Variants in NPLOC4 observed in about 807,000 individuals in gnomAD.
The protein encoded by NPLOC4 is nuclear protein localization protein 4 homolog.
NPLOC4 carries 18 observed loss-of-function variants against 80.6 expected under a neutral mutation model. The observed-to-expected ratio is 0.22, with a 90% confidence interval of 0.15 to 0.33. The LOEUF (loss-of-function observed/expected upper bound fraction) is 0.33, where lower values mean the gene tolerates loss of function less well. Among genes scored for constraint, NPLOC4 ranks in the 10% least tolerant of loss-of-function variants. The probability of loss-of-function intolerance (pLI) is 1.00; values close to 1 mark genes in which losing one functional copy is unlikely to be tolerated. For missense variants in NPLOC4, 540 were observed against 786.1 expected (o/e 0.69, Z 3.74); for synonymous variants, 313 against 301.5 (o/e 1.04, Z -0.39).
chr17:81,560,047 C>G (rs777431842), intron 16 of NPLOC4, among the ~76,000 whole-genome samples: 15 of 151,726 alleles, frequency 9.9e-5, no homozygotes, highest in Non-Finnish European at 2.1e-4. Flanking sequence ...CAGTTTTGAG[C>G]TAATATGAAC....
rs753710722 is a variant in NPLOC4, at chr17:81,608,864, C to T, written c.436-42G>A. On this transcript the variant is annotated intron_variant, in intron 5 of 16. Coordinates refer to ENST00000331134, the MANE Select transcript of NPLOC4 (RefSeq NM_017921.4). ...TAAGCGAGTGCAGTCTCACACGTGC[C>T]GGTCACTCCAGGCGCTGAGCCTCTG... is the stretch of plus-strand genomic sequence containing the variant. 19 of 1,488,840 alleles carry T rather than the reference C, an allele frequency of 1.3e-5. No individual in the cohort carries two copies. The East Asian group carries it at 2.5e-4, about 19-fold the overall frequency. The allele number at this position is 1,488,840 out of a possible 1,614,324, so 92.2% of individuals were successfully genotyped here.
intron 2 of NPLOC4, among the ~76,000 whole-genome samples, chr17:81,625,687 C>T (rs1165353930): frequency 6.6e-6 from 1 of 152,016 alleles, no homozygotes; most frequent in East Asian, 1.9e-4. Context: ...GATATGATCA[C>T]ACCACTGCAC....
At position 81,610,230 on chromosome 17, in the gene NPLOC4, C is replaced by T. The variant is rs374269815; in HGVS notation, c.415G>A (p.Val139Met). 5.5e-5 allele frequency: 87 copies of T among 1,575,166 alleles called. No homozygotes were observed. The highest frequency in any genetic ancestry group is 6.4e-5 in the Non-Finnish European group (74 of 1,160,962). ...LCRHGPLGKCVHCVPLEPFDE... is the reference protein window; with the variant it reads ...LCRHGPLGKCMHCVPLEPFDE... ...CTCACCTCTAGAGGGACGCAGTGCA[C>T]GCATTTCCCCAAAGGGCCGTGGCGG... is the stretch of plus-strand genomic sequence containing the variant. Residue 139 changes from valine (V) to methionine (M), a missense_variant, in exon 5 of 17, where the codon GTG (valine) becomes ATG (methionine). Around this residue, in one of 6 missense-constraint regions of NPLOC4, gnomAD observed 74 missense variants for 75.7 expected, o/e 0.98. Transcript: ENST00000331134.
intron 3 of NPLOC4, among the ~76,000 whole-genome samples, chr17:81,615,400 G>A (rs977824022): frequency 2.6e-5 from 4 of 151,924 alleles, no homozygotes; most frequent in African/African-American, 9.7e-5. Context: ...ACGTCCAGCC[G>A]AGACGTCTGT....
Position 81,611,342 on chromosome 17 carries a change from GT to G in NPLOC4, c.387-1085del, listed in dbSNP as rs984215255. Among the ~76,000 whole-genome samples the G allele has an allele frequency of 9.5e-5, 14 of 147,952 alleles. No homozygotes were observed. The East Asian group carries it at 1.0e-3, about 11-fold the overall frequency. On this transcript the variant is annotated intron_variant, in intron 4 of 16. Coordinates refer to ENST00000331134, the MANE Select transcript of NPLOC4 (RefSeq NM_017921.4). ...CTCAAATAAATAAATAAATAAAATA[GT>G]TTTTTTTTTGTTTTCTTTTTTTCTG...
At chr17:81,615,611 G>T (rs537486592) in intron 3 of NPLOC4, among the ~76,000 whole-genome samples, 152 of 152,322 alleles carry the variant, frequency 1.0e-3, no homozygotes, top group African/African-American at 3.5e-3. Flanking sequence ...GCTGCTTGTG[G>T]GGCCAAGGCC....
intron 3 of NPLOC4, among the ~76,000 whole-genome samples, chr17:81,614,824 G>A (rs1283344839): frequency 6.6e-6 from 1 of 152,108 alleles, no homozygotes; most frequent in Non-Finnish European, 1.5e-5. Context: ...AACCCTCCAG[G>A]CCAGCCTTGG....
rs550654887 is a variant in NPLOC4 at position 81,607,094 on chromosome 17, A to G, written c.531-280T>C. 3.1e-3 allele frequency among the ~76,000 whole-genome samples: 474 copies of G among 152,258 alleles called. 5 individuals are homozygous for G. Among genetic ancestry groups the G allele is most frequent in the African/African-American group, 0.011 (466 of 41,538 alleles). On this transcript the variant is annotated intron_variant, in intron 6 of 16. Coordinates refer to ENST00000331134, the MANE Select transcript of NPLOC4 (RefSeq NM_017921.4). ...GTGTTTTTTACCATCTATCACTAAC[A>G]TCCGAGAAAGCTTTCAAGAATACTG...
chr17:81,637,045 C>A lies in NPLOC4; in HGVS notation c.-115G>T. ...CGGCCCCGGCCTCCCTACGCCGCCG[C>A]CACCGCCGCTCCAGCTTCGCCCGCC... On this transcript the variant is annotated 5_prime_UTR_variant, in exon 1 of 17. Transcript: ENST00000331134. 1 of 563,500 alleles carries A rather than the reference C, an allele frequency of 1.8e-6. No individual in the cohort carries two copies. Among genetic ancestry groups the A allele is most frequent in the Non-Finnish European group, 2.5e-6 (1 of 395,734 alleles). 34.9% of individuals were successfully genotyped at this position (563,500 alleles called of 1,614,324 possible). A position where few individuals can be genotyped will look rare whatever the true frequency, so the allele number is the denominator to read the frequency against.
chr17:81,585,170 CA>C (rs35473939), intron 12 of NPLOC4, among the ~76,000 whole-genome samples: 3,586 of 40,118 alleles, frequency 0.089, 2 homozygotes, highest in Middle Eastern at 0.14. Flanking sequence ...ACTCTGTCGC[CA>C]AAAAAAAAAA....
In NPLOC4 at chr17:81,567,849, G is replaced by GAGGC. The variant is rs1290509650; in HGVS notation, c.1450-320_1450-317dup. 4.3e-5 allele frequency: 10 copies of GAGGC among 232,728 alleles called. No homozygotes were observed. Among genetic ancestry groups the GAGGC allele is most frequent in the South Asian group, 2.7e-4 (4 of 15,066 alleles). 14.4% of individuals were successfully genotyped at this position (232,728 alleles called of 1,614,324 possible). On this transcript the variant is annotated intron_variant, in intron 14 of 16. Coordinates refer to ENST00000331134, the MANE Select transcript of NPLOC4 (RefSeq NM_017921.4). This position sits in a 1 kb window ranked among gnomAD's most constrained non-coding sequence, Gnocchi z 4.5. The stretch of plus-strand genomic sequence containing the variant: ...TAATTCCAGCACTTTTTAGGAGGCC[G>GAGGC]AGGCAGGCAGGTGGTCAGGAGTTCG...
chr17:81,590,155 G>T (rs1446320583), intron 11 of NPLOC4, among the ~76,000 whole-genome samples: 1 of 152,180 alleles, frequency 6.6e-6, no homozygotes, highest in Non-Finnish European at 1.5e-5. Context: ...ATGCCACCAG[G>T]CGTCATCACA....
intron 2 of NPLOC4, among the ~76,000 whole-genome samples, chr17:81,629,006 G>A (rs1011831413): frequency 8.6e-5 from 13 of 150,870 alleles, no homozygotes; most frequent in African/African-American, 2.9e-4. Context: ...AGCCTCACCA[G>A]CAGCTGGGAC....
intron 2 of NPLOC4, among the ~76,000 whole-genome samples, chr17:81,627,577 T>C (rs951092640): frequency 2.0e-5 from 3 of 150,458 alleles, no homozygotes; most frequent in Admixed American, 6.6e-5. Flanking sequence ...CCATCTCTAT[T>C]AAAAAGACAA....
intron 7 of NPLOC4, among the ~76,000 whole-genome samples, chr17:81,605,824 C>CTTTTTTTTTTTTTTT (rs766106515): frequency 7.1e-6 from 1 of 141,076 alleles, no homozygotes. Flanking sequence ...AACACATTTT[C>CTTTTTTTTTTTTTTT]TTTTTTTTTT....
chr17:81,604,981 C>A (rs920428534), intron 7 of NPLOC4, among the ~76,000 whole-genome samples: 15 of 152,062 alleles, frequency 9.9e-5, no homozygotes, highest in African/African-American at 3.6e-4. Flanking sequence ...AACATCTGGG[C>A]TGGGCGCAGT....
In NPLOC4 at chr17:81,589,009, C is replaced by A. The variant is rs754894141; in HGVS notation, c.1216G>T (p.Ala406Ser). ...RDECLLPCKD[A>S]PELGYAKESS... ...TCCTTGGCGTAGCCAAGCTCCGGGG[C>A]GTCCTTGCATGGCAGCAAACACTCA... Residue 406 changes from alanine (A) to serine (S), a missense_variant, in exon 12 of 17, where the codon GCC becomes TCC. Physicochemically the swap from Ala to Ser is moderately conservative, Grantham distance 99 (BLOSUM62 1). This residue lies in a region of NPLOC4 where 251 missense variants were observed against 377.5 expected (regional missense o/e 0.66). Transcript: ENST00000331134. The A allele has an allele frequency of 4.3e-6, 7 of 1,614,000 alleles. No individual in the cohort carries two copies. The highest frequency in any genetic ancestry group is 5.9e-6 in the Non-Finnish European group (7 of 1,179,866).
rs1228015312 is a variant in NPLOC4 at position 81,629,730 on chromosome 17, T to C, written c.91A>G (p.Lys31Glu). 2 of 1,612,778 alleles carry C rather than the reference T, an allele frequency of 1.2e-6. No homozygotes were observed. The highest frequency in any genetic ancestry group is 2.7e-5 in the African/African-American group (2 of 74,898). The stretch of plus-strand genomic sequence containing the variant: ...AATACCCAGGCCACAGATACCTTTT[T>C]CAAAAATGTTGCTGCTGTTTCTCTC... The part of the protein sequence containing the change: ...TKRETAATFL[K>E]KVAKEFGFQN... The change falls in exon 2 of 17, where the codon AAA becomes GAA. Residue 31 changes from lysine (K) to glutamate (E), a missense_variant. Lys to Glu is a moderately conservative substitution (Grantham distance 56). This residue lies in a region of NPLOC4 where 62 missense variants were observed against 84.4 expected (regional missense o/e 0.73). Coordinates refer to ENST00000331134, the MANE Select transcript of NPLOC4 (RefSeq NM_017921.4).
chr17:81,558,951 T>C lies in NPLOC4; in HGVS notation c.*308A>G, dbSNP rs1016556263. ...CCTCCCTGTGCGCCCCAATTCCAGG[T>C]GCCACGTAGAGGCGAGAGGTCTTTC... On this transcript the variant is annotated 3_prime_UTR_variant, in exon 17 of 17. Transcript: ENST00000331134. 2 of 264,906 alleles carry C rather than the reference T, an allele frequency of 7.5e-6. No homozygotes were observed. Among genetic ancestry groups the C allele is most frequent in the Non-Finnish European group, 1.4e-5 (2 of 140,490 alleles). The allele number at this position is 264,906 out of a possible 1,614,324, so 16.4% of individuals were successfully genotyped here. A position where few individuals can be genotyped will look rare whatever the true frequency, so the allele number is the denominator to read the frequency against.
Sources: gnomAD v4.1 joint callset for allele counts (sites outside exome capture counted in the v4.1 genomes callset) on GRCh38, gnomAD v4.1.1 for gene constraint, gnomAD v4.1.1 regional missense constraint, Gnocchi (gnomAD v3.1) non-coding constraint, MANE v1.5 for transcripts, NCBI Gene and HGNC (gene_info 2026-07-23, HGNC 2026-07-21) for gene names.